Variants in ANK2 observed in about 807,000 individuals in gnomAD.
ANK2 encodes ankyrin-2.
Under a neutral mutation model 360.5 loss-of-function variants are expected in ANK2, and 83 were observed. The ratio of observed to expected loss-of-function variants is 0.23; its 90% CI spans 0.19 to 0.28. ANK2 has a LOEUF of 0.28. Ranked by LOEUF, ANK2 falls within the 10% of genes least tolerant of loss-of-function variation. The pLI is 1.00. For synonymous variants in ANK2, 1,740 were observed against 1,759.5 expected, an observed-to-expected ratio of 0.99 and a Z score of 0.28; for missense variants, 4,201 against 4,795.7, an observed-to-expected ratio of 0.88 and a Z score of 3.66.
At chr4:113,322,248 G>T (rs1461476994) in intron 26 of ANK2, among the ~76,000 whole-genome samples, 1 of 147,158 alleles carries the variant, frequency 6.8e-6, no homozygotes, top group East Asian at 1.9e-4. Context: ...AGGTATCAGT[G>T]ATTAAAAAAT....
intron 2 of ANK2, among the ~76,000 whole-genome samples, chr4:113,012,620 A>T (rs961295): frequency 5.3e-5 from 8 of 151,970 alleles, no homozygotes; most frequent in Non-Finnish European, 1.2e-4. Flanking sequence ...TGTGGCAAAC[A>T]TATAATTTTA....
At chr4:113,192,739 T>C (rs2153369314) in intron 2 of ANK2, among the ~76,000 whole-genome samples, 1 of 152,164 alleles carries the variant, frequency 6.6e-6, no homozygotes, top group South Asian at 2.1e-4. Context: ...TAATAGTGAT[T>C]CCTATGTCAT....
At chr4:113,042,716 G>A (rs2063284919) in intron 2 of ANK2, among the ~76,000 whole-genome samples, 1 of 152,162 alleles carries the variant, frequency 6.6e-6, no homozygotes, top group South Asian at 2.1e-4. Flanking sequence ...TTCTGCCAGT[G>A]TCATGGTCTT....
chr4:113,338,332 T>C (rs1173735898), intron 31 of ANK2, among the ~76,000 whole-genome samples: 1 of 152,168 alleles, frequency 6.6e-6, no homozygotes, highest in African/African-American at 2.4e-5. Flanking sequence ...AGACAGGTAG[T>C]CACCATTAGC....
At chr4:112,999,506 C>A (rs910552937) in intron 2 of ANK2, among the ~76,000 whole-genome samples, 1 of 152,042 alleles carries the variant, frequency 6.6e-6, no homozygotes, top group Non-Finnish European at 1.5e-5. Flanking sequence ...AGGGAGGGGA[C>A]AAAATTCCTG....
At chr4:113,001,946 A>G (rs2050847833) in intron 2 of ANK2, among the ~76,000 whole-genome samples, 1 of 152,060 alleles carries the variant, frequency 6.6e-6, no homozygotes, top group South Asian at 2.1e-4. Context: ...TTATTTCCAC[A>G]TTCAATTATC....
the ANK2 span, among the ~76,000 whole-genome samples, chr4:112,719,529 C>G: frequency 2.0e-5 from 3 of 151,928 alleles, no homozygotes; most frequent in African/African-American, 7.3e-5. Flanking sequence ...GAGATCGAGA[C>G]CATCCTGGCT....
the ANK2 span, among the ~76,000 whole-genome samples, chr4:112,776,138 A>G: frequency 6.6e-6 from 1 of 152,188 alleles, no homozygotes; most frequent in Non-Finnish European, 1.5e-5. Flanking sequence ...GGAAGTAGTG[A>G]GGGATACTGT....
At chr4:113,116,727 T>A (rs2094830040) in intron 1 of ANK2, among the ~76,000 whole-genome samples, 1 of 151,876 alleles carries the variant, frequency 6.6e-6, no homozygotes, top group African/African-American at 2.4e-5. Context: ...AGCAGCAGAG[T>A]CCTTTAGCGA....
intron 32 of ANK2, among the ~76,000 whole-genome samples, chr4:113,340,243 G>C (rs939161683): frequency 1.3e-5 from 2 of 152,230 alleles, no homozygotes; most frequent in African/African-American, 4.8e-5. Flanking sequence ...GGGATAGCTA[G>C]AGAGGGTATC....
chr4:113,156,368 A>ATTTTT (rs1218946870), intron 1 of ANK2, among the ~76,000 whole-genome samples: 2 of 79,138 alleles, frequency 2.5e-5, no homozygotes, highest in African/African-American at 1.0e-4. Context: ...ATGTAGAAAA[A>ATTTTT]TTCTTTTTTT....
chr4:112,945,467 C>T (rs1456301806), intron 2 of ANK2, among the ~76,000 whole-genome samples: 3 of 152,122 alleles, frequency 2.0e-5, no homozygotes, highest in Non-Finnish European at 4.4e-5. Context: ...TTTAATAAAT[C>T]GCAGGGTCAG....
chr4:113,214,319 G>A, intron 4 of ANK2: 2 of 987,294 alleles, frequency 2.0e-6, no homozygotes, highest in South Asian at 1.3e-5. Context: ...ATCGGGCACA[G>A]TTAGTGCAGC....
At position 112,824,652 on chromosome 4, in the gene ANK2, C is replaced by T. The variant is rs142753666; in HGVS notation, c.-40+6388C>T. Reference sequence around the variant, plus strand: ...CCAGGTAGCTGGGACTACAGACATGCGCCACCACACCTGGCTAATTTTTGT... The same window carrying T: ...CCAGGTAGCTGGGACTACAGACATGTGCCACCACACCTGGCTAATTTTTGT... On this transcript the variant is annotated intron_variant, in intron 1 of 30. Transcript: ENST00000503271. 5.7e-3 allele frequency among the ~76,000 whole-genome samples: 861 copies of T among 152,100 alleles called. 4 individuals are homozygous for T. Among genetic ancestry groups the T allele is most frequent in the African/African-American group, 0.019 (789 of 41,504 alleles).
intron 42 of ANK2, 75 bp downstream of exon 42, chr4:113,367,926 C>A: frequency 6.5e-7 from 1 of 1,548,034 alleles, no homozygotes; most frequent in Non-Finnish European, 8.9e-7. Flanking sequence ...CATATATAAG[C>A]ATAACTAGTT....
intron 1 of ANK2, among the ~76,000 whole-genome samples, chr4:113,173,862 C>T (rs1183557823): frequency 6.6e-6 from 1 of 152,130 alleles, no homozygotes; most frequent in East Asian, 1.9e-4. Flanking sequence ...AGTGCTATCC[C>T]CTTTCCTCAA....
intron 1 of ANK2, among the ~76,000 whole-genome samples, chr4:113,093,515 T>A (rs1383876176): frequency 6.6e-6 from 1 of 152,110 alleles, no homozygotes; most frequent in Non-Finnish European, 1.5e-5. Context: ...ATTTTTGGTA[T>A]TTTTAGTAGA....
chr4:113,174,492 G>A lies in ANK2; in HGVS notation c.161G>A (p.Gly54Asp). ...AAAGTTGTGGAATATCTGAAGGGGG[G>A]CATAGACATCAATACCTGCAATCAG... ...LDKVVEYLKG[G>D]IDINTCNQNG... The change falls in exon 2 of 46, where the codon GGC becomes GAC. Residue 54 changes from glycine to aspartate, a missense_variant. Physicochemically the swap from Gly to Asp is moderately conservative, Grantham distance 94. Around this residue, in one of 4 missense-constraint regions of ANK2, gnomAD observed 169 missense variants for 191.1 expected, o/e 0.88. Transcript: ENST00000357077. The A allele has an allele frequency of 2.5e-6, 4 of 1,612,310 alleles. No homozygotes were observed. The highest frequency in any genetic ancestry group is 2.5e-6 in the Non-Finnish European group (3 of 1,178,952).
chr4:113,066,956 G>A (rs1238437528), intron 1 of ANK2, among the ~76,000 whole-genome samples: 2 of 151,994 alleles, frequency 1.3e-5, no homozygotes, highest in Admixed American at 6.6e-5. Context: ...GCGATAGTAA[G>A]CATTATGTGA....
Sources: allele counts gnomAD v4.1 joint callset (sites outside exome capture counted in the v4.1 genomes callset), GRCh38; gene constraint gnomAD v4.1.1; regional missense constraint gnomAD v4.1.1; transcripts MANE v1.5; gene names NCBI Gene and HGNC (gene_info 2026-07-23, HGNC 2026-07-21).